Variants in CHN1 observed in about 807,000 individuals in gnomAD.
CHN1 encodes the protein N-chimaerin.
A neutral mutation model predicts 59.5 loss-of-function variants in CHN1; 37 were observed. The observed-to-expected ratio is 0.62, with a 90% CI of 0.48 to 0.82. The LOEUF (loss-of-function observed/expected upper bound fraction) is 0.82, where lower values mean the gene tolerates loss of function less well. Ranked by LOEUF, CHN1 falls within the 40% of genes least tolerant of loss-of-function variation. CHN1 has a pLI of 0.00. For synonymous variants in CHN1, 206 were observed against 200.4 expected, an observed-to-expected ratio of 1.03 and a Z score of -0.24; for missense variants, 469 against 571.0, an observed-to-expected ratio of 0.82 and a Z score of 1.82.
chr2:174,801,168 C>T (rs1265744424), intron 12 of CHN1, among the ~76,000 whole-genome samples: 2 of 152,222 alleles, frequency 1.3e-5, no homozygotes, highest in Non-Finnish European at 2.9e-5. Context: ...CATCAAACCA[C>T]AATTAACTGA....
At chr2:174,830,551 G>A (rs1482717027) in intron 7 of CHN1, among the ~76,000 whole-genome samples, 1 of 152,200 alleles carries the variant, frequency 6.6e-6, no homozygotes, top group African/African-American at 2.4e-5. Flanking sequence ...TGTCAGTTAA[G>A]CACTGACACT....
At chr2:174,900,984 T>C (rs1254521132) in intron 5 of CHN1, among the ~76,000 whole-genome samples, 1 of 152,060 alleles carries the variant, frequency 6.6e-6, no homozygotes, top group African/African-American at 2.4e-5. Flanking sequence ...GCATGGTAAA[T>C]ATAATAAATG....
At chr2:174,915,360 TGTG>T in intron 4 of CHN1, 189 bp from the exon 5 acceptor site, 1 of 585,084 alleles carries the variant, frequency 1.7e-6, no homozygotes, top group African/African-American at 1.9e-5. Flanking sequence ...CCAGCTTCTC[TGTG>T]GTGATAAGAA....
chr2:174,833,459 C>T (rs765903952), intron 7 of CHN1, among the ~76,000 whole-genome samples: 7 of 152,146 alleles, frequency 4.6e-5, no homozygotes, highest in Non-Finnish European at 7.3e-5. Context: ...GAAGATGTCG[C>T]TCCACTGTCT....
chr2:174,961,470 A>G (rs1388679082), intron 1 of CHN1, among the ~76,000 whole-genome samples: 2 of 151,810 alleles, frequency 1.3e-5, no homozygotes, highest in Admixed American at 6.6e-5. Context: ...AGGTGCCTGT[A>G]ATCCCAGCTA....
chr2:174,931,019 C>T (rs776737015), intron 3 of CHN1, among the ~76,000 whole-genome samples: 10 of 152,050 alleles, frequency 6.6e-5, no homozygotes, highest in Non-Finnish European at 1.0e-4. Flanking sequence ...CTGCCCGCCT[C>T]GGCCTCCCAA....
chr2:174,812,606 G>C, intron 8 of CHN1, 124 bp from the exon 9 acceptor site: 1 of 741,612 alleles, frequency 1.3e-6, no homozygotes, highest in Non-Finnish European at 2.2e-6. Context: ...CTAGACTCCA[G>C]CAGTTCTTTC....
chr2:174,938,254 C>T (rs189987986), intron 3 of CHN1, among the ~76,000 whole-genome samples: 63 of 152,312 alleles, frequency 4.1e-4, no homozygotes, highest in Non-Finnish European at 2.9e-5. Flanking sequence ...AAACCAATCA[C>T]TAATCATTTC....
intron 1 of CHN1, among the ~76,000 whole-genome samples, chr2:174,957,446 T>TAG (rs1690242831): frequency 2.2e-5 from 2 of 89,930 alleles, no homozygotes; most frequent in South Asian, 8.7e-4. Context: ...GTGTGTGTGT[T>TAG]GGGGGGGGGG....
intron 1 of CHN1, among the ~76,000 whole-genome samples, chr2:174,967,642 T>C (rs1690635454): frequency 6.6e-6 from 1 of 152,206 alleles, no homozygotes; most frequent in African/African-American, 2.4e-5. Context: ...TAAGTACAAG[T>C]TCTGGAAAAT....
intron 2 of CHN1, among the ~76,000 whole-genome samples, chr2:174,949,115 C>G (rs979705760): frequency 8.6e-5 from 13 of 151,978 alleles, no homozygotes; most frequent in Non-Finnish European, 1.9e-4. Context: ...TATAAAGATT[C>G]CTAAGAGATG....
intron 6 of CHN1, among the ~76,000 whole-genome samples, chr2:174,870,063 T>A (rs918535056): frequency 6.6e-6 from 1 of 152,146 alleles, no homozygotes; most frequent in Non-Finnish European, 1.5e-5. Flanking sequence ...AGATGTAAAA[T>A]TTAAGAATGT....
intron 11 of CHN1, among the ~76,000 whole-genome samples, chr2:174,807,209 AG>A (rs576068955): frequency 6.6e-6 from 1 of 152,274 alleles, no homozygotes; most frequent in African/African-American, 2.4e-5. Flanking sequence ...GTGGGGACAA[AG>A]GCCTCGAAGT....
intron 11 of CHN1, among the ~76,000 whole-genome samples, chr2:174,803,917 C>G (rs1040234381): frequency 1.6e-4 from 25 of 152,106 alleles, no homozygotes; most frequent in African/African-American, 5.8e-4. Flanking sequence ...AAAAAAGAAC[C>G]CAGTTTCCTT....
intron 7 of CHN1, among the ~76,000 whole-genome samples, chr2:174,832,406 T>C (rs1308084527): frequency 6.6e-6 from 1 of 152,022 alleles, no homozygotes; most frequent in Non-Finnish European, 1.5e-5. Flanking sequence ...CTCTTTGACT[T>C]AAGACCTTTT....
chr2:174,828,995 A>C (rs1405976321), intron 7 of CHN1, among the ~76,000 whole-genome samples: 3 of 152,208 alleles, frequency 2.0e-5, no homozygotes, highest in Non-Finnish European at 4.4e-5. Context: ...AGTGGGCCAC[A>C]GATATTTTTT....
At chr2:174,847,247 G>A in intron 6 of CHN1, 1 of 1,406,012 alleles carries the variant, frequency 7.1e-7, no homozygotes, top group African/African-American at 1.4e-5. Flanking sequence ...ACAGAGAGCT[G>A]CAGAGAAACA....
At chr2:174,885,303 T>G (rs114860851) in intron 5 of CHN1, among the ~76,000 whole-genome samples, 5,518 of 148,118 alleles carry the variant, frequency 0.037, 260 homozygotes, top group African/African-American at 0.098. Flanking sequence ...TATATATATA[T>G]AGAGAGAGAG....
chr2:174,879,917 G>C (rs7558503), intron 5 of CHN1, among the ~76,000 whole-genome samples: 3,620 of 152,200 alleles, frequency 0.024, 160 homozygotes, highest in African/African-American at 0.083. Context: ...GGGGGCACAG[G>C]GCATGAAGGG....
Sources: gnomAD v4.1 joint callset for allele counts (sites outside exome capture counted in the v4.1 genomes callset) on GRCh38, gnomAD v4.1.1 for gene constraint, MANE v1.5 for transcripts, NCBI Gene and HGNC (gene_info 2026-07-23, HGNC 2026-07-21) for gene names.